ZC3HC1: variants seen among roughly 807,000 people sequenced by gnomAD.
ZC3HC1 encodes zinc finger C3HC-type containing 1, also known as zinc finger C3HC-type protein 1.
A neutral mutation model predicts 61.9 loss-of-function variants in ZC3HC1; 38 were observed. That is an observed-to-expected ratio of 0.61 (90% CI 0.47 to 0.81). The LOEUF is 0.81. Ranked by LOEUF, ZC3HC1 falls within the 30% of genes least tolerant of loss-of-function variation. ZC3HC1 has a pLI of 0.00. For synonymous variants in ZC3HC1, 213 were observed against 229.9 expected (o/e 0.93, Z 0.67); for missense variants, 554 against 622.7 (o/e 0.89, Z 1.17).
chr7:130,027,064 C>T (rs1458935497), intron 5 of ZC3HC1: 5 of 151,748 alleles, frequency 3.3e-5, no homozygotes, highest in African/African-American at 9.7e-5. Context: ...TGAGCTCAAG[C>T]AATCCTCCCA....
intron 4 of ZC3HC1, among the ~76,000 whole-genome samples, chr7:130,032,791 G>A (rs1794272055): frequency 9.1e-6 from 1 of 109,340 alleles, no homozygotes; most frequent in African/African-American, 3.5e-5. Flanking sequence ...GGAGGGGAGG[G>A]AAGGAAAGGA....
Position 130,022,364 on chromosome 7 carries a change from G to C in ZC3HC1, c.1395C>G (p.Leu465=). ...EPGWKAVLTI[L]LAHKQSSQPA... ...GCTGGCTAGACTGTTTGTGCGCCAA[G>C]AGGATGGTCAGCACTGCTTTCCAGC... Residue 465 remains leucine (L), a synonymous_variant, in exon 9 of 10, where the codon CTC becomes CTG. Coordinates refer to ENST00000358303, the MANE Select transcript of ZC3HC1 (RefSeq NM_016478.5). The C allele has an allele frequency of 6.2e-7, 1 of 1,614,162 alleles. No individual in the cohort carries two copies. The highest frequency in any genetic ancestry group is 1.1e-5 in the South Asian group (1 of 91,074).
intron 6 of ZC3HC1, among the ~76,000 whole-genome samples, chr7:130,025,719 T>C (rs1793868374): frequency 6.6e-6 from 1 of 151,392 alleles, no homozygotes; most frequent in South Asian, 2.1e-4. Context: ...ATACAAAAAA[T>C]TAGCTGGGCG....
intron 1 of ZC3HC1, chr7:130,050,586 T>C (rs1395998340): frequency 1.7e-6 from 2 of 1,170,478 alleles, no homozygotes; most frequent in East Asian, 2.7e-5. Flanking sequence ...TCTTCAATTA[T>C]GAATGAAGGT....
At chr7:130,047,210 C>G (rs1272359498) in intron 2 of ZC3HC1, among the ~76,000 whole-genome samples, 2 of 152,118 alleles carry the variant, frequency 1.3e-5, no homozygotes, top group African/African-American at 2.4e-5. Flanking sequence ...ATCCACTTGC[C>G]TCAGCAAACC....
chr7:130,026,034 T>A, intron 6 of ZC3HC1, 124 bp downstream of exon 6: 1 of 1,201,618 alleles, frequency 8.3e-7, no homozygotes. Context: ...CCCACCCAGT[T>A]TTTCTTTGTC....
At chr7:130,051,421 T>A, upstream of ZC3HC1, 1 of 1,605,680 alleles carries the variant, frequency 6.2e-7, no homozygotes, top group Non-Finnish European at 8.5e-7. Flanking sequence ...GGAACTTCCG[T>A]CCTGGGAGGT....
rs138876979 is a variant in ZC3HC1 at position 130,018,431 on chromosome 7, T to C, written c.*233A>G. 393 of 475,868 alleles carry C rather than the reference T, an allele frequency of 8.3e-4. No individual in the cohort carries two copies. The highest frequency in any genetic ancestry group is 6.4e-3 in the African/African-American group (335 of 52,328). The allele number at this position is 475,868 out of a possible 1,614,324, so 29.5% of individuals were successfully genotyped here. ...TCTAGTCTGTTAATCCCACACTCCT[T>C]TAACAGAACCATGCTTGCTGCCCTT... On this transcript the variant is annotated 3_prime_UTR_variant, in exon 10 of 10. Coordinates refer to ENST00000358303, the MANE Select transcript of ZC3HC1 (RefSeq NM_016478.5).
At chr7:130,019,455 CA>C in intron 9 of ZC3HC1, among the ~76,000 whole-genome samples, 1 of 152,214 alleles carries the variant, frequency 6.6e-6, no homozygotes, top group Non-Finnish European at 1.5e-5. Flanking sequence ...CAGTATAAAC[CA>C]AGGACAACTA....
intron 4 of ZC3HC1, among the ~76,000 whole-genome samples, chr7:130,034,886 A>C (rs1794370515): frequency 2.0e-5 from 3 of 152,064 alleles, no homozygotes; most frequent in African/African-American, 7.2e-5. Flanking sequence ...AGTTCATGTT[A>C]TCTATAACAT....
chr7:130,025,870 C>CAAAAAAAAAAAAAAA (rs71175064), intron 6 of ZC3HC1, among the ~76,000 whole-genome samples: 1 of 58,580 alleles, frequency 1.7e-5, no homozygotes, highest in African/African-American at 7.7e-5. Flanking sequence ...GACTCCGTCT[C>CAAAAAAAAAAAAAAA]AAAAAAAAAA....
At chr7:130,040,668 T>G (rs1413430517) in intron 3 of ZC3HC1, among the ~76,000 whole-genome samples, 1 of 147,898 alleles carries the variant, frequency 6.8e-6, no homozygotes, top group African/African-American at 2.5e-5. Flanking sequence ...ATTAGCCAGG[T>G]GTAGTGGCAC....
chr7:130,046,260 A>G (rs1472472415), intron 2 of ZC3HC1, among the ~76,000 whole-genome samples: 2 of 152,152 alleles, frequency 1.3e-5, no homozygotes, highest in Non-Finnish European at 2.9e-5. Flanking sequence ...ACGTTTACCT[A>G]TGTAACAAAC....
In ZC3HC1 at chr7:130,049,903, G is replaced by C. The variant is rs186667998; in HGVS notation, c.147-759C>G. 4.4e-3 allele frequency among the ~76,000 whole-genome samples: 605 copies of C among 138,292 alleles called. 3 individuals carry two copies. The highest frequency in any genetic ancestry group is 0.014 in the African/African-American group (562 of 38,936). The allele number at this position is 138,292 out of a possible 152,430, so 90.7% of individuals were successfully genotyped here. A position where few individuals can be genotyped will look rare whatever the true frequency, so the allele number is the denominator to read the frequency against. On this transcript the variant is annotated intron_variant, in intron 1 of 9. Transcript: ENST00000358303. ...CAATTTTGATATTTCTACCTGGAGG[G>C]ACCTTTCATACCCACTCCTTCCAAA... is the stretch of plus-strand genomic sequence containing the variant.
In ZC3HC1 at chr7:130,035,245, C is replaced by G. The variant is rs1794384117; in HGVS notation, c.493+4219G>C. On this transcript the variant is annotated intron_variant, in intron 4 of 9. Transcript: ENST00000358303. ...TCTCTACTAAAAATACAAAACTTAG[C>G]CAGGTGGTAGCGGCATGCACCTGTA... Among the ~76,000 whole-genome samples, 7 of 151,892 alleles carry G rather than the reference C, an allele frequency of 4.6e-5. No homozygotes were observed. The South Asian group carries it at 1.5e-3, about 32-fold the overall frequency.
In ZC3HC1 at chr7:130,038,859, C is replaced by CAA. The variant is rs368582060; in HGVS notation, c.493+603_493+604dup. On this transcript the variant is annotated intron_variant, in intron 4 of 9. Transcript: ENST00000358303. ...TGGGTGAAAGAGCGAGGCTCTGTCT[C>CAA]AAAAAAAAAAAAAAAAAAAACCAAA... Among the ~76,000 whole-genome samples, 780 of 85,994 alleles carry CAA rather than the reference C, an allele frequency of 9.1e-3. 19 individuals are homozygous for CAA. The highest frequency in any genetic ancestry group is 0.019 in the East Asian group (61 of 3,220). The allele number at this position is 85,994 out of a possible 152,430, so 56.4% of individuals were successfully genotyped here. A position where few individuals can be genotyped will look rare whatever the true frequency, so the allele number is the denominator to read the frequency against.
In ZC3HC1 at chr7:130,039,572, C is replaced by T. The variant is rs561478783; in HGVS notation, c.410-25G>A. Reference sequence around the variant, plus strand: ...TCTGAAATCCACATAAACAGCAACACCTTAAAAAACACTATATAGATTCAA... The same window carrying T: ...TCTGAAATCCACATAAACAGCAACATCTTAAAAAACACTATATAGATTCAA... On this transcript the variant is annotated intron_variant, in intron 3 of 9. Coordinates refer to ENST00000358303, the MANE Select transcript of ZC3HC1 (RefSeq NM_016478.5). The T allele has an allele frequency of 1.3e-5, 20 of 1,580,588 alleles. No homozygotes were observed. The African/African-American group carries it at 1.5e-4, about 12-fold the overall frequency.
chr7:130,048,416 T>C (rs143040527), intron 2 of ZC3HC1, among the ~76,000 whole-genome samples: 2,377 of 152,186 alleles, frequency 0.016, 32 homozygotes, highest in Middle Eastern at 0.024. Context: ...TTAATTGCAG[T>C]CTGTGAGAGA....
intron 4 of ZC3HC1, among the ~76,000 whole-genome samples, chr7:130,033,179 T>G (rs889956796): frequency 6.6e-6 from 1 of 152,084 alleles, no homozygotes; most frequent in South Asian, 2.1e-4. Flanking sequence ...AACACAGGTA[T>G]GCGTAACCAT....
Sources: gnomAD v4.1 joint callset for allele counts (sites outside exome capture counted in the v4.1 genomes callset) on GRCh38, gnomAD v4.1.1 for gene constraint, MANE v1.5 for transcripts, NCBI Gene and HGNC (gene_info 2026-07-23, HGNC 2026-07-21) for gene names.